The following ARHGAP6 variants were observed in gnomAD, a reference collection of about 807,000 sequenced individuals.
ARHGAP6 encodes the protein Rho GTPase activating protein 6.
Under a neutral mutation model 55.7 loss-of-function variants are expected in ARHGAP6, and 16 were observed. The ratio of observed to expected loss-of-function variants is 0.29; its 90% confidence interval spans 0.19 to 0.44. The LOEUF (loss-of-function observed/expected upper bound fraction) is 0.44. Ranked by LOEUF, ARHGAP6 falls within the 20% of genes least tolerant of loss-of-function variation. The pLI is 1.00. For synonymous variants in ARHGAP6, 382 were observed against 360.9 expected, an observed-to-expected ratio of 1.06 and a Z score of -0.66; for missense variants, 698 against 808.9, an observed-to-expected ratio of 0.86 and a Z score of 1.66.
Position 11,158,720 on chromosome X carries a change from A to G in ARHGAP6, c.1810-2094T>C, listed in dbSNP as rs186976867. Among the ~76,000 whole-genome samples the G allele has an allele frequency of 6.6e-3, 743 of 111,965 alleles. 5 individuals are homozygous for G. The highest frequency in any genetic ancestry group is 0.023 in the African/African-American group (711 of 30,821). On this transcript the variant is annotated intron_variant, in intron 9 of 12. Coordinates refer to ENST00000337414, the MANE Select transcript of ARHGAP6 (RefSeq NM_013427.3). ...TCTCCCCTAGCAGTCATTCCACACA[A>G]GCTCTACTTCAGCACCACTGTGCTT...
At chrX:11,631,099 C>T (rs777822923) in intron 1 of ARHGAP6, among the ~76,000 whole-genome samples, 1 of 110,831 alleles carries the variant, frequency 9.0e-6, no homozygotes, top group Non-Finnish European at 1.9e-5. Flanking sequence ...GATAATAGTT[C>T]AGATAATTCA....
At chrX:11,508,810 A>T (rs890969038) in intron 1 of ARHGAP6, among the ~76,000 whole-genome samples, 1 of 108,716 alleles carries the variant, frequency 9.2e-6, no homozygotes, top group African/African-American at 3.4e-5. Context: ...TCAAATGCTG[A>T]TGAAATTCCA....
chrX:11,558,251 G>A (rs763380047), intron 1 of ARHGAP6, among the ~76,000 whole-genome samples: 7 of 111,588 alleles, frequency 6.3e-5, no homozygotes, highest in Non-Finnish European at 9.4e-5. Flanking sequence ...GGGCTTCATC[G>A]TTGACTGGAA....
chrX:11,220,210 C>G (rs1464409215), intron 2 of ARHGAP6, among the ~76,000 whole-genome samples: 2 of 110,561 alleles, frequency 1.8e-5, no homozygotes, highest in East Asian at 5.7e-4. Context: ...GATATGCGGC[C>G]TTATTTCTGA....
At position 11,664,655 on chromosome X, in the gene ARHGAP6, C is replaced by T. The variant is rs916213545; in HGVS notation, c.174G>A (p.Arg58=). 4 of 1,160,407 alleles carry T rather than the reference C, an allele frequency of 3.4e-6. No individual in the cohort carries two copies. In the African/African-American group the frequency reaches 5.3e-5, roughly 15 times the overall value. Reference sequence around the variant, plus strand: ...AGTAGAGGCGGCCCGCCGTGGCTCCCCGCGCACTGCCCTCCGCGCCCGCCT... The same window carrying T: ...AGTAGAGGCGGCCCGCCGTGGCTCCTCGCGCACTGCCCTCCGCGCCCGCCT... ...SDEAGAEGSA[R]GATAGRLYSP... Residue 58 remains arginine (R), a synonymous_variant, in exon 1 of 13, where the codon CGG becomes CGA. Transcript: ENST00000337414.
At chrX:11,358,206 G>A (rs2048957104) in intron 1 of ARHGAP6, among the ~76,000 whole-genome samples, 1 of 111,820 alleles carries the variant, frequency 8.9e-6, no homozygotes, top group Non-Finnish European at 1.9e-5. Context: ...TGTTGTCGCA[G>A]GAATCATCCC....
intron 1 of ARHGAP6, among the ~76,000 whole-genome samples, chrX:11,314,556 A>G (rs1286246372): frequency 8.9e-6 from 1 of 112,549 alleles, no homozygotes; most frequent in African/African-American, 3.2e-5. Context: ...GTCCCACAAA[A>G]AGGGAAAACA....
intron 1 of ARHGAP6, among the ~76,000 whole-genome samples, chrX:11,345,475 T>G (rs2048768672): frequency 8.9e-6 from 1 of 112,775 alleles, no homozygotes; most frequent in African/African-American, 3.2e-5. Flanking sequence ...ATACTTGTTT[T>G]CGTTTTTCTA....
intron 1 of ARHGAP6, among the ~76,000 whole-genome samples, chrX:11,348,378 G>A (rs1285576346): frequency 2.7e-5 from 3 of 111,818 alleles, no homozygotes; most frequent in Non-Finnish European, 5.6e-5. Flanking sequence ...CATTCTCACC[G>A]TTGTGAGACC....
intron 1 of ARHGAP6, among the ~76,000 whole-genome samples, chrX:11,582,118 A>T (rs2051673712): frequency 9.0e-6 from 1 of 111,163 alleles, no homozygotes; most frequent in African/African-American, 3.3e-5. Context: ...CCTGAGAGGT[A>T]ATTATTATTA....
chrX:11,448,673 T>C (rs1306439944), intron 1 of ARHGAP6, among the ~76,000 whole-genome samples: 1 of 111,221 alleles, frequency 9.0e-6, no homozygotes, highest in Admixed American at 9.6e-5. Context: ...GGGGTGGGCC[T>C]GGACATTGGG....
intron 1 of ARHGAP6, among the ~76,000 whole-genome samples, chrX:11,400,217 A>G (rs948933405): frequency 9.0e-6 from 1 of 111,647 alleles, no homozygotes; most frequent in African/African-American, 3.3e-5. Context: ...GGGGAATTTT[A>G]TGGTATGTGA....
intron 1 of ARHGAP6, among the ~76,000 whole-genome samples, chrX:11,490,490 C>T (rs2050556593): frequency 8.9e-6 from 1 of 111,952 alleles, no homozygotes; most frequent in African/African-American, 3.2e-5. Flanking sequence ...CCTTGTGGGA[C>T]CCCTGAGCAG....
At chrX:11,347,007 T>A (rs1443822286) in intron 1 of ARHGAP6, among the ~76,000 whole-genome samples, 1 of 112,275 alleles carries the variant, frequency 8.9e-6, no homozygotes, top group African/African-American at 3.2e-5. Context: ...TGATAATTAA[T>A]AATGTAACAC....
intron 1 of ARHGAP6, among the ~76,000 whole-genome samples, chrX:11,486,148 C>T (rs2050509052): frequency 9.0e-6 from 1 of 111,670 alleles, no homozygotes; most frequent in African/African-American, 3.3e-5. Flanking sequence ...TTTGACCATA[C>T]TCTTGCAAGA....
chrX:11,202,799 CAAAAAAAAAAA>C (rs776633959), intron 2 of ARHGAP6, among the ~76,000 whole-genome samples: 25 of 9,454 alleles, frequency 2.6e-3, no homozygotes, highest in African/African-American at 0.01. Context: ...GACTCCGTCT[CAAAAAAAAAAA>C]AAAAAAAAAA....
chrX:11,211,271 G>T (rs2046792678), intron 2 of ARHGAP6, among the ~76,000 whole-genome samples: 1 of 105,021 alleles, frequency 9.5e-6, no homozygotes, highest in Admixed American at 1.0e-4. Flanking sequence ...GCCCAGGCTG[G>T]AGTGCACTGG....
intron 1 of ARHGAP6, among the ~76,000 whole-genome samples, chrX:11,360,981 C>T (rs1166829528): frequency 9.0e-6 from 1 of 110,984 alleles, no homozygotes; most frequent in African/African-American, 3.3e-5. Flanking sequence ...GAACTACAAA[C>T]CACTGCTCAA....
chrX:11,349,057 T>C (rs1458608103), intron 1 of ARHGAP6, among the ~76,000 whole-genome samples: 2 of 110,234 alleles, frequency 1.8e-5, no homozygotes, highest in Admixed American at 1.9e-4. Context: ...TTTTTTTTTT[T>C]TGGTATAATA....
Sources: gnomAD v4.1 joint callset for allele counts (sites outside exome capture counted in the v4.1 genomes callset) on GRCh38, gnomAD v4.1.1 for gene constraint, MANE v1.5 for transcripts, NCBI Gene and HGNC (gene_info 2026-07-23, HGNC 2026-07-21) for gene names.